DROSHA: variants seen among roughly 807,000 people sequenced by gnomAD.
DROSHA encodes ribonuclease 3.
DROSHA carries 56 observed loss-of-function variants against 181.9 expected under a neutral mutation model. The observed-to-expected ratio is 0.31, with a 90% confidence interval of 0.25 to 0.38. The LOEUF (loss-of-function observed/expected upper bound fraction) is 0.38. DROSHA is among the 10% of genes least tolerant of loss of function. DROSHA has a pLI of 1.00. For synonymous variants in DROSHA, 524 were observed against 591.2 expected (o/e 0.89, Z 1.65); for missense variants, 1,218 against 1,743.5 (o/e 0.70, Z 5.37).
Position 31,529,120 on chromosome 5 carries a change from G to A in DROSHA, c.-46-15C>T. The A allele has an allele frequency of 1.9e-6, 3 of 1,588,286 alleles. No individual in the cohort carries two copies. The highest frequency in any genetic ancestry group is 1.1e-5 in the South Asian group (1 of 86,964). ...GAATATAAGCTCTAAAAAACAGAAA[G>A]AATAAAACAGACATAAACATGTTTC... is the stretch of plus-strand genomic sequence containing the variant. On this transcript the variant is annotated splice_polypyrimidine_tract_variant and intron_variant, in intron 3 of 35. Coordinates refer to ENST00000344624, the MANE Select transcript of DROSHA (RefSeq NM_001382508.1).
chr5:31,468,871 G>T (rs976492015), intron 17 of DROSHA, among the ~76,000 whole-genome samples: 2 of 152,152 alleles, frequency 1.3e-5, no homozygotes, highest in Admixed American at 6.5e-5. Flanking sequence ...GATTCACACA[G>T]AGGCCAATAA....
intron 10 of DROSHA, among the ~76,000 whole-genome samples, chr5:31,507,651 A>C (rs1738150054): frequency 6.6e-6 from 1 of 152,264 alleles, no homozygotes; most frequent in South Asian, 2.1e-4. Flanking sequence ...CCATATATGG[A>C]GGAAGTTTAT....
chr5:31,518,481 T>C (rs886120992), intron 6 of DROSHA, among the ~76,000 whole-genome samples: 10 of 152,236 alleles, frequency 6.6e-5, no homozygotes, highest in African/African-American at 2.4e-4. Flanking sequence ...TAACTTTCCA[T>C]AGTGAATTTT....
intron 5 of DROSHA, among the ~76,000 whole-genome samples, chr5:31,523,331 C>T (rs1740118135): frequency 6.6e-6 from 1 of 152,212 alleles, no homozygotes; most frequent in African/African-American, 2.4e-5. Context: ...TATAGATCCT[C>T]ATAGTAAAGG....
At chr5:31,518,997 T>C (rs773611957) in intron 6 of DROSHA, among the ~76,000 whole-genome samples, 1 of 152,182 alleles carries the variant, frequency 6.6e-6, no homozygotes, top group Non-Finnish European at 1.5e-5. Flanking sequence ...AAAAGATCTT[T>C]TTTAGGTAAG....
chr5:31,480,178 G>GTATATATATATA (rs55828936), intron 16 of DROSHA, among the ~76,000 whole-genome samples: 1,195 of 84,754 alleles, frequency 0.014, 62 homozygotes, highest in African/African-American at 0.025. Context: ...GGCAATGTCA[G>GTATATATATATA]TATATATATA....
Position 31,515,132 on chromosome 5 carries a change from C to A in DROSHA, c.1146G>T (p.Lys382Asn), listed in dbSNP as rs1478716580. 1.2e-6 allele frequency: 2 copies of A among 1,613,806 alleles called. No individual in the cohort carries two copies. The highest frequency in any genetic ancestry group is 2.2e-5 in the East Asian group (1 of 44,904). The change falls in exon 8 of 36, where the codon AAG (lysine) becomes AAT (asparagine). Residue 382 changes from lysine (K) to asparagine (N), a missense_variant. Transcript: ENST00000344624. ...CTTTTTCCTTGATTGAGGTATAGTT[C>A]TTGTCTTTGCCAGAACTCTGGTTGT... is the stretch of plus-strand genomic sequence containing the variant. ...WSDNQSSGKD[K>N]NYTSIKEKEP...
intron 11 of DROSHA, among the ~76,000 whole-genome samples, chr5:31,501,560 G>C (rs1420366795): frequency 6.6e-6 from 1 of 152,074 alleles, no homozygotes. Context: ...ATATAGGGGA[G>C]ATGGTACCGG....
intron 35 of DROSHA, among the ~76,000 whole-genome samples, chr5:31,402,988 G>A (rs1306926385): frequency 1.3e-5 from 2 of 152,090 alleles, no homozygotes. Flanking sequence ...TCGCCATGCT[G>A]GCCAGGCTGG....
intron 20 of DROSHA, among the ~76,000 whole-genome samples, chr5:31,458,231 C>T (rs768183904): frequency 1.4e-4 from 22 of 152,274 alleles, no homozygotes; most frequent in African/African-American, 3.1e-4. Context: ...TCTGGGTTTA[C>T]GGGTTTACTG....
intron 20 of DROSHA, among the ~76,000 whole-genome samples, chr5:31,463,830 G>C (rs1748705882): frequency 6.6e-6 from 1 of 152,126 alleles, no homozygotes; most frequent in Non-Finnish European, 1.5e-5. Context: ...ATGTAAATTT[G>C]AGTCATCAGT....
chr5:31,436,224 C>T (rs1744764681), intron 24 of DROSHA, among the ~76,000 whole-genome samples: 1 of 152,050 alleles, frequency 6.6e-6, no homozygotes, highest in Non-Finnish European at 1.5e-5. Flanking sequence ...TTACGTGTGG[C>T]CCCTGGAGAG....
chr5:31,431,582 A>G lies in DROSHA; in HGVS notation c.3139T>C (p.Leu1047=). The change falls in exon 26 of 36, where the codon TTA becomes CTA. Residue 1047 remains leucine (L), a synonymous_variant. Transcript: ENST00000344624. ...RHAMANCFEA[L]IGAVYLEGSL... The stretch of plus-strand genomic sequence containing the variant: ...TGAAGAAGAGAGAAATTACCTATTA[A>G]CGCTTCAAAACAATTGGCCATTGCA... The G allele has an allele frequency of 6.2e-7, 1 of 1,613,868 alleles. No individual in the cohort carries two copies. Among genetic ancestry groups the G allele is most frequent in the Non-Finnish European group, 8.5e-7 (1 of 1,179,830 alleles).
At chr5:31,427,631 A>G (rs1248791319) in intron 27 of DROSHA, among the ~76,000 whole-genome samples, 1 of 152,122 alleles carries the variant, frequency 6.6e-6, no homozygotes, top group Non-Finnish European at 1.5e-5. Context: ...CTGCTCCTAA[A>G]CTGGCCACAG....
intron 20 of DROSHA, among the ~76,000 whole-genome samples, chr5:31,462,834 G>GA (rs796638309): frequency 1.7e-4 from 22 of 126,610 alleles, no homozygotes; most frequent in African/African-American, 5.2e-4. Flanking sequence ...GGTTTTGTAT[G>GA]AAAAAAAAAT....
At chr5:31,507,073 G>C (rs1302048976) in intron 10 of DROSHA, among the ~76,000 whole-genome samples, 7 of 152,164 alleles carry the variant, frequency 4.6e-5, no homozygotes, top group Admixed American at 4.6e-4. Flanking sequence ...CCAACACTTT[G>C]GGAGGCTGAG....
intron 5 of DROSHA, among the ~76,000 whole-genome samples, chr5:31,524,579 A>T (rs569633267): frequency 6.6e-6 from 1 of 152,332 alleles, no homozygotes; most frequent in African/African-American, 2.4e-5. Flanking sequence ...AGCACAATTG[A>T]TATGTGTCTT....
chr5:31,526,468 C>T lies in DROSHA; in HGVS notation c.465G>A (p.Pro155=), dbSNP rs200873871. 14 of 812,308 alleles carry T rather than the reference C, an allele frequency of 1.7e-5. No homozygotes were observed. Among genetic ancestry groups the T allele is most frequent in the African/African-American group, 4.8e-5 (2 of 41,664 alleles). 50.3% of individuals were successfully genotyped at this position (812,308 alleles called of 1,614,324 possible). ...CCTGCTGCGGCATGACTGGAGGGGGCGGGGGATGAGGCATGGAGGGAGGGG... is the reference window on the plus strand; with the variant it reads ...CCTGCTGCGGCATGACTGGAGGGGGTGGGGGATGAGGCATGGAGGGAGGGG... ...MMPPPSMPHP[P]PPPVMPQQVN... is the part of the protein sequence containing the mutation. The change falls in exon 5 of 36, where the codon CCG becomes CCA. Residue 155 remains proline (P), a synonymous_variant. Coordinates refer to ENST00000344624, the MANE Select transcript of DROSHA (RefSeq NM_001382508.1).
intron 30 of DROSHA, among the ~76,000 whole-genome samples, chr5:31,419,265 C>T (rs1330453068): frequency 6.6e-6 from 1 of 152,100 alleles, no homozygotes; most frequent in African/African-American, 2.4e-5. Flanking sequence ...TTGTCTTGCC[C>T]GCAGATCTGC....
Sources: gnomAD v4.1 joint callset for allele counts (sites outside exome capture counted in the v4.1 genomes callset) on GRCh38, gnomAD v4.1.1 for gene constraint, MANE v1.5 for transcripts, NCBI Gene and HGNC (gene_info 2026-07-23, HGNC 2026-07-21) for gene names.